The following RSRC1 variants were observed in gnomAD, a reference collection of about 807,000 sequenced individuals.
The protein encoded by RSRC1 is serine/Arginine-related protein 53.
In RSRC1, 39 loss-of-function variants were observed where a neutral mutation model predicts 49.1. The ratio of observed to expected loss-of-function variants is 0.79; its 90% CI spans 0.61 to 1.04. RSRC1 has a LOEUF of 1.04. Ranked by LOEUF, RSRC1 falls within the 50% of genes least tolerant of loss-of-function variation. The pLI, the probability that RSRC1 is intolerant of heterozygous loss-of-function variation, is 0.00. For synonymous variants in RSRC1, 143 were observed against 130.8 expected, an observed-to-expected ratio of 1.09 and a Z score of -0.63; for missense variants, 388 against 402.4, an observed-to-expected ratio of 0.96 and a Z score of 0.31.
chr3:158,196,316 T>C (rs2108270217), intron 3 of RSRC1, among the ~76,000 whole-genome samples: 1 of 152,286 alleles, frequency 6.6e-6, no homozygotes, highest in South Asian at 2.1e-4. Flanking sequence ...GTTATTGGTG[T>C]ATAAGAATGC....
chr3:158,251,499 A>G (rs1264217815), intron 4 of RSRC1, among the ~76,000 whole-genome samples: 4 of 152,086 alleles, frequency 2.6e-5, no homozygotes, highest in East Asian at 1.9e-4. Context: ...TCTTTCACCA[A>G]TATTTTATAG....
At chr3:158,461,083 T>C in intron 7 of RSRC1, 80 bp downstream of exon 7, 2 of 985,634 alleles carry the variant, frequency 2.0e-6, no homozygotes, top group East Asian at 2.7e-5. Context: ...TATAATCTAA[T>C]GCCTTAAGGG....
At chr3:158,196,646 A>G (rs1720638459) in intron 3 of RSRC1, among the ~76,000 whole-genome samples, 1 of 152,156 alleles carries the variant, frequency 6.6e-6, no homozygotes, top group Admixed American at 6.5e-5. Flanking sequence ...TTTGTGATAG[A>G]TAGCTCTTAT....
At chr3:158,286,590 G>A (rs912433775) in intron 4 of RSRC1, among the ~76,000 whole-genome samples, 1 of 152,100 alleles carries the variant, frequency 6.6e-6, no homozygotes, top group Non-Finnish European at 1.5e-5. Context: ...CAAGAATCTT[G>A]AATTCTAGGC....
At chr3:158,110,798 C>T (rs571676363) in intron 1 of RSRC1, among the ~76,000 whole-genome samples, 1 of 152,302 alleles carries the variant, frequency 6.6e-6, no homozygotes, top group East Asian at 1.9e-4. Context: ...CTTAAACACA[C>T]TATATATTCC....
At chr3:158,156,242 CT>C (rs1226834785) in intron 3 of RSRC1, among the ~76,000 whole-genome samples, 1 of 152,160 alleles carries the variant, frequency 6.6e-6, no homozygotes, top group African/African-American at 2.4e-5. Context: ...CCTCTGCTAG[CT>C]TCAAACTTTT....
At chr3:158,250,552 C>A (rs1724150537) in intron 4 of RSRC1, among the ~76,000 whole-genome samples, 1 of 152,112 alleles carries the variant, frequency 6.6e-6, no homozygotes, top group African/African-American at 2.4e-5. Context: ...GGATTTGCTT[C>A]TCTCTGATGA....
At chr3:158,252,798 A>G (rs578173794) in intron 4 of RSRC1, among the ~76,000 whole-genome samples, 2 of 152,122 alleles carry the variant, frequency 1.3e-5, no homozygotes, top group East Asian at 1.9e-4. Flanking sequence ...GTATTTTTTC[A>G]TGGTTCAATC....
At chr3:158,266,513 T>A (rs1459806575) in intron 4 of RSRC1, among the ~76,000 whole-genome samples, 5 of 152,234 alleles carry the variant, frequency 3.3e-5, no homozygotes, top group Non-Finnish European at 7.3e-5. Context: ...CTTGGTTTAC[T>A]TGAAAAGAGT....
chr3:158,340,604 G>A (rs755379458), intron 5 of RSRC1, among the ~76,000 whole-genome samples: 1 of 152,152 alleles, frequency 6.6e-6, no homozygotes, highest in Admixed American at 6.6e-5. Context: ...CCATGATTTT[G>A]AGGCCTCCCC....
intron 4 of RSRC1, among the ~76,000 whole-genome samples, chr3:158,279,944 G>A (rs887524125): frequency 2.6e-5 from 4 of 152,190 alleles, no homozygotes; most frequent in African/African-American, 9.7e-5. Context: ...AAAGAAGACT[G>A]GTCAGCTGGT....
chr3:158,335,073 T>A (rs541920645), intron 5 of RSRC1, among the ~76,000 whole-genome samples: 2 of 152,202 alleles, frequency 1.3e-5, no homozygotes, highest in Non-Finnish European at 2.9e-5. Context: ...TGTTAAAAGT[T>A]GGTTTCAGTA....
rs1714261244 is a variant in RSRC1, at chr3:158,110,108, G to C, written c.-118G>C. 6.6e-6 allele frequency: 1 copy of C among 152,254 alleles called. No individual in the cohort carries two copies. Among genetic ancestry groups the C allele is most frequent in the South Asian group, 2.1e-4 (1 of 4,832 alleles). 9.4% of individuals were successfully genotyped at this position (152,254 alleles called of 1,614,324 possible). A position where few individuals can be genotyped will look rare whatever the true frequency, so the allele number is the denominator to read the frequency against. On this transcript the variant is annotated 5_prime_UTR_variant, in exon 1 of 10. Transcript: ENST00000611884. ...GGCGCTAGAACCAGGAAGGCGCTGA[G>C]CTTAAACTGAAGCAAGTTCGGTGGA...
At chr3:158,439,507 C>CT (rs1015151331) in intron 6 of RSRC1, among the ~76,000 whole-genome samples, 1 of 152,100 alleles carries the variant, frequency 6.6e-6, no homozygotes, top group Non-Finnish European at 1.5e-5. Context: ...AGTTCATGTC[C>CT]TTTGTAGGGA....
intron 6 of RSRC1, among the ~76,000 whole-genome samples, chr3:158,362,990 C>A (rs572352694): frequency 6.6e-6 from 1 of 152,262 alleles, no homozygotes; most frequent in South Asian, 2.1e-4. Context: ...ATAGAAATTT[C>A]TTTTTGTACA....
At chr3:158,245,286 A>T (rs1340140208) in intron 4 of RSRC1, among the ~76,000 whole-genome samples, 1 of 152,070 alleles carries the variant, frequency 6.6e-6, no homozygotes, top group African/African-American at 2.4e-5. Flanking sequence ...TGTACTCAAG[A>T]GTCATTTAGG....
chr3:158,353,945 A>G (rs1731011482), intron 5 of RSRC1, among the ~76,000 whole-genome samples: 2 of 151,374 alleles, frequency 1.3e-5, no homozygotes, highest in South Asian at 4.1e-4. Flanking sequence ...TATGTTATCC[A>G]AAAATCTCAG....
At chr3:158,422,512 T>C (rs893147526) in intron 6 of RSRC1, among the ~76,000 whole-genome samples, 3 of 151,338 alleles carry the variant, frequency 2.0e-5, no homozygotes, top group African/African-American at 7.3e-5. Context: ...TCTTTGCTAT[T>C]GTGAATAATG....
rs572613839 is a variant in RSRC1 at position 158,140,199 on chromosome 3, T to A, written c.320+16208T>A. ...TCACCCTCTGTCACTACCTCTTGCCTTTGGAATCTGTGCATTTTGAGTCAG... is the reference window on the plus strand; with the variant it reads ...TCACCCTCTGTCACTACCTCTTGCCATTGGAATCTGTGCATTTTGAGTCAG... On this transcript the variant is annotated intron_variant, in intron 3 of 9. Coordinates refer to ENST00000611884, the MANE Select transcript of RSRC1 (RefSeq NM_001271838.2). 3.3e-5 allele frequency among the ~76,000 whole-genome samples: 5 copies of A among 152,316 alleles called. No homozygotes were observed. The East Asian group carries it at 9.6e-4, about 29-fold the overall frequency.
Sources: allele counts gnomAD v4.1 joint callset (sites outside exome capture counted in the v4.1 genomes callset), GRCh38; gene constraint gnomAD v4.1.1; transcripts MANE v1.5; gene names NCBI Gene and HGNC (gene_info 2026-07-23, HGNC 2026-07-21).